PZP: variants seen among roughly 807,000 people sequenced by gnomAD.
PZP encodes the protein pregnancy zone protein.
A neutral mutation model predicts 179.8 loss-of-function variants in PZP; 150 were observed. That is an observed-to-expected ratio of 0.83 (90% CI 0.73 to 0.96). The LOEUF (loss-of-function observed/expected upper bound fraction) is 0.96, where lower values mean the gene tolerates loss of function less well. Among genes scored for constraint, PZP ranks in the 40% least tolerant of loss-of-function variants. PZP has a pLI of 0.00. For synonymous variants in PZP, 624 were observed against 652.3 expected (o/e 0.96, Z 0.66); for missense variants, 1,689 against 1,764.0 (o/e 0.96, Z 0.76).
At chr12:9,136,580 A>G in the PZP span, among the ~76,000 whole-genome samples, 1 of 152,200 alleles carries the variant, frequency 6.6e-6, no homozygotes, top group African/African-American at 2.4e-5. Context: ...ATATACATAT[A>G]TACAAATATA....
At chr12:9,189,277 C>G (rs957591838) in intron 13 of PZP, among the ~76,000 whole-genome samples, 1 of 152,206 alleles carries the variant, frequency 6.6e-6, no homozygotes, top group Non-Finnish European at 1.5e-5. Flanking sequence ...ACCAAAACAG[C>G]ATAGTACTTG....
Position 9,208,344 on chromosome 12 carries a change from T to A in PZP, c.-3A>T, listed in dbSNP as rs1178228428. ...TGAAGAAGTCTGTCTTTCCGCATTG[T>A]GAGGGATAAATCTCAGGGTTGTGTC... On this transcript the variant is annotated 5_prime_UTR_variant, in exon 1 of 36. Coordinates refer to ENST00000261336, the MANE Select transcript of PZP (RefSeq NM_002864.3). 6.2e-7 allele frequency: 1 copy of A among 1,611,892 alleles called. No homozygotes were observed. The highest frequency in any genetic ancestry group is 1.1e-5 in the South Asian group (1 of 91,018).
chr12:9,179,266 C>T (rs1200373983), intron 15 of PZP, among the ~76,000 whole-genome samples: 1 of 152,000 alleles, frequency 6.6e-6, no homozygotes, highest in East Asian at 1.9e-4. Flanking sequence ...AATTATTAAC[C>T]AATGTTCACC....
the PZP span, among the ~76,000 whole-genome samples, chr12:9,142,333 G>A: frequency 6.6e-6 from 1 of 152,130 alleles, no homozygotes; most frequent in Non-Finnish European, 1.5e-5. Context: ...CACAAGCAAA[G>A]ATTATTCTGT....
At chr12:9,190,085 G>A (rs751986287) in intron 13 of PZP, among the ~76,000 whole-genome samples, 6 of 152,096 alleles carry the variant, frequency 3.9e-5, no homozygotes, top group Non-Finnish European at 7.4e-5. Flanking sequence ...GCAGTGTGGC[G>A]ATTCCTCAAA....
chr12:9,179,776 G>A (rs116948738), intron 15 of PZP, among the ~76,000 whole-genome samples: 19 of 152,322 alleles, frequency 1.2e-4, no homozygotes, highest in South Asian at 4.1e-4. Context: ...TGACTATCAC[G>A]TAGGTGGGGA....
chr12:9,141,989 A>G, the PZP span, among the ~76,000 whole-genome samples: 1 of 152,214 alleles, frequency 6.6e-6, no homozygotes, highest in Non-Finnish European at 1.5e-5. Context: ...ATTGTACAAC[A>G]TTTCTTGCAT....
chr12:9,158,923 C>T (rs1940972017), intron 25 of PZP, among the ~76,000 whole-genome samples: 1 of 151,950 alleles, frequency 6.6e-6, no homozygotes, highest in Admixed American at 6.6e-5. Flanking sequence ...GAATTTATTT[C>T]CTTTCCTAGA....
At chr12:9,152,336 T>G in intron 31 of PZP, 26 bp from the exon 32 acceptor site, 2 of 1,571,146 alleles carry the variant, frequency 1.3e-6, no homozygotes, top group Non-Finnish European at 1.8e-6. Flanking sequence ...AAAAAGAATT[T>G]AGGGTTTTAT....
intron 7 of PZP, among the ~76,000 whole-genome samples, chr12:9,197,916 A>G (rs1441977031): frequency 1.6e-5 from 2 of 128,274 alleles, no homozygotes; most frequent in Non-Finnish European, 3.1e-5. Flanking sequence ...TTTATATTAT[A>G]TATTATATAA....
chr12:9,169,079 T>C (rs1592483319), intron 16 of PZP, 105 bp from the exon 17 acceptor site: 2 of 769,778 alleles, frequency 2.6e-6, no homozygotes, highest in East Asian at 2.7e-5. Context: ...CTTATATTAA[T>C]TCTATGGCGA....
At position 9,151,628 on chromosome 12, in the gene PZP, G is replaced by T. The variant is rs1940362601; in HGVS notation, c.4257C>A (p.Asn1419Lys). The T allele has an allele frequency of 1.2e-6, 2 of 1,613,960 alleles. No homozygotes were observed. The highest frequency in any genetic ancestry group is 1.7e-6 in the Non-Finnish European group (2 of 1,179,904). ...CCTGTTCCACATAAATGAGGACATG[G>T]TTGTTGCTCACTTCTGTCCGGCTCA... ...SSVSRTEVSN[N>K]HVLIYVEQVT... Residue 1419 changes from asparagine (N) to lysine (K), a missense_variant, in exon 33 of 36, where the codon AAC (asparagine) becomes AAA (lysine). Asn to Lys is a moderately conservative substitution (Grantham distance 94). Around this residue, in one of 3 missense-constraint regions of PZP, gnomAD observed 746 missense variants for 749.2 expected, o/e 1.00. Coordinates refer to ENST00000261336, the MANE Select transcript of PZP (RefSeq NM_002864.3).
chr12:9,196,698 C>A lies in PZP; in HGVS notation c.868-13G>T, dbSNP rs745423994. On this transcript the variant is annotated splice_polypyrimidine_tract_variant and intron_variant, in intron 8 of 35. Transcript: ENST00000261336. ...CATTGCTGTTAAGCTGAGAAAAATACCAAAACCAATAAATGTCAAACTGAT... is the reference window on the plus strand; with the variant it reads ...CATTGCTGTTAAGCTGAGAAAAATAACAAAACCAATAAATGTCAAACTGAT... 6.8e-5 allele frequency: 106 copies of A among 1,551,142 alleles called. 1 individual carries two copies. In the South Asian group the frequency reaches 8.5e-4, roughly 12 times the overall value.
the PZP span, among the ~76,000 whole-genome samples, chr12:9,143,726 C>T: frequency 6.6e-6 from 1 of 152,266 alleles, no homozygotes; most frequent in East Asian, 1.9e-4. Flanking sequence ...CTAATTTGCA[C>T]TGGGGCCCGG....
chr12:9,159,085 T>C (rs1177395155), intron 25 of PZP, among the ~76,000 whole-genome samples: 1 of 152,194 alleles, frequency 6.6e-6, no homozygotes, highest in African/African-American at 2.4e-5. Context: ...AGAGAAAGGA[T>C]ATCATCTAGT....
chr12:9,188,318 A>G (rs1166889258), intron 13 of PZP, among the ~76,000 whole-genome samples: 1 of 152,212 alleles, frequency 6.6e-6, no homozygotes, highest in African/African-American at 2.4e-5. Flanking sequence ...AGTAAAATTC[A>G]ACACCTCTTC....
chr12:9,136,915 T>C, the PZP span, among the ~76,000 whole-genome samples: 1 of 152,224 alleles, frequency 6.6e-6, no homozygotes, highest in Non-Finnish European at 1.5e-5. Context: ...GTTGCTTATA[T>C]GTTTTGGATA....
chr12:9,148,824 A>G (rs1231751582), downstream of PZP: 7 of 645,166 alleles, frequency 1.1e-5, no homozygotes, highest in Non-Finnish European at 1.9e-5. Flanking sequence ...TGATGAATGA[A>G]TGATGCAACA....
downstream of PZP, among the ~76,000 whole-genome samples, chr12:9,148,464 AT>A (rs527388133): frequency 8.1e-3 from 1,231 of 151,982 alleles, 11 homozygotes; most frequent in South Asian, 0.013. Flanking sequence ...TCATCTCTTT[AT>A]TTTTTTAATC....
Sources: allele counts gnomAD v4.1 joint callset (sites outside exome capture counted in the v4.1 genomes callset), GRCh38; gene constraint gnomAD v4.1.1; regional missense constraint gnomAD v4.1.1; transcripts MANE v1.5; gene names NCBI Gene and HGNC (gene_info 2026-07-23, HGNC 2026-07-21).